Variants in AFAP1 observed in about 807,000 individuals in gnomAD.
AFAP1 encodes actin filament associated protein 1, also known as actin filament-associated protein 1.
Under a neutral mutation model 93.9 loss-of-function variants are expected in AFAP1, and 75 were observed. The ratio of observed to expected loss-of-function variants is 0.80; its 90% CI spans 0.66 to 0.97. The LOEUF is 0.97. Ranked by LOEUF, AFAP1 falls within the 50% of genes least tolerant of loss-of-function variation. The pLI is 0.00. For synonymous variants in AFAP1, 517 were observed against 430.7 expected (o/e 1.20, Z -2.48); for missense variants, 1,201 against 1,050.8 (o/e 1.14, Z -1.98).
At chr4:7,899,924 G>A (rs1354491048) in intron 1 of AFAP1, among the ~76,000 whole-genome samples, 1 of 148,708 alleles carries the variant, frequency 6.7e-6, no homozygotes, top group East Asian at 2.0e-4. Context: ...TGAATGAGAA[G>A]TGTATCAGTG....
At chr4:7,853,596 A>G (rs999811544) in intron 4 of AFAP1, among the ~76,000 whole-genome samples, 6 of 152,172 alleles carry the variant, frequency 3.9e-5, no homozygotes, top group Non-Finnish European at 7.3e-5. Context: ...CCAGGGAAGA[A>G]GTTCTCACAA....
chr4:7,857,498 A>T (rs564049543), intron 3 of AFAP1, among the ~76,000 whole-genome samples: 1 of 152,206 alleles, frequency 6.6e-6, no homozygotes, highest in South Asian at 2.1e-4. Context: ...TTGCACTCCT[A>T]TCAGAAGGCT....
At chr4:7,921,181 C>CTTTTTTTTTTTTT in intron 1 of AFAP1, among the ~76,000 whole-genome samples, 1 of 95,110 alleles carries the variant, frequency 1.1e-5, no homozygotes, top group Non-Finnish European at 1.9e-5. Flanking sequence ...GAGAGCAAAA[C>CTTTTTTTTTTTTT]TTTTTTTTTT....
intron 1 of AFAP1, among the ~76,000 whole-genome samples, chr4:7,925,516 C>T (rs1720677251): frequency 6.6e-6 from 1 of 151,932 alleles, no homozygotes; most frequent in Admixed American, 6.6e-5. Context: ...AGTTCAAGAC[C>T]AGCCTGACCA....
intron 1 of AFAP1, among the ~76,000 whole-genome samples, chr4:7,898,492 C>T (rs1718915589): frequency 6.6e-6 from 1 of 151,806 alleles, no homozygotes; most frequent in Admixed American, 6.6e-5. Flanking sequence ...CACTCTCAAA[C>T]ATTTCAGGAA....
At chr4:7,811,520 C>G (rs993579431) in intron 8 of AFAP1, among the ~76,000 whole-genome samples, 1 of 152,114 alleles carries the variant, frequency 6.6e-6, no homozygotes, top group East Asian at 1.9e-4. Context: ...TGCCTCCACC[C>G]TGGTGCCCCC....
At chr4:7,792,205 C>A (rs77275472) in intron 11 of AFAP1, among the ~76,000 whole-genome samples, 1,540 of 152,278 alleles carry the variant, frequency 0.01, 33 homozygotes, top group African/African-American at 0.032. Context: ...GGTCTCTTAC[C>A]GCCAACTGCC....
intron 17 of AFAP1, among the ~76,000 whole-genome samples, chr4:7,764,215 A>G (rs1714224185): frequency 6.6e-6 from 1 of 152,252 alleles, no homozygotes; most frequent in South Asian, 2.1e-4. Flanking sequence ...TAACGATTTC[A>G]CTTATGTGAG....
At chr4:7,764,662 G>A (rs1310973069) in intron 17 of AFAP1, among the ~76,000 whole-genome samples, 1 of 152,260 alleles carries the variant, frequency 6.6e-6, no homozygotes, top group African/African-American at 2.4e-5. Context: ...GGCCCTGAGT[G>A]CTGGCTGCAG....
At chr4:7,885,036 G>T (rs965666228) in intron 1 of AFAP1, among the ~76,000 whole-genome samples, 1 of 152,188 alleles carries the variant, frequency 6.6e-6, no homozygotes, top group South Asian at 2.1e-4. Context: ...GGACGCTGGA[G>T]AACTGTTTCA....
intron 7 of AFAP1, among the ~76,000 whole-genome samples, chr4:7,818,504 G>A (rs1720685168): frequency 6.6e-6 from 1 of 152,142 alleles, no homozygotes. Context: ...GGAAGCCAGG[G>A]GTCTCCAAGG....
chr4:7,925,148 G>C (rs540151918), intron 1 of AFAP1, among the ~76,000 whole-genome samples: 1 of 151,414 alleles, frequency 6.6e-6, no homozygotes, highest in South Asian at 2.1e-4. Flanking sequence ...TCATAGGGTC[G>C]GCCTTCCTTT....
chr4:7,823,521 C>T (rs969079300), intron 6 of AFAP1, among the ~76,000 whole-genome samples: 1 of 152,178 alleles, frequency 6.6e-6, no homozygotes, highest in Non-Finnish European at 1.5e-5. Context: ...CTAACACACA[C>T]ACCCTGGCTA....
intron 1 of AFAP1, among the ~76,000 whole-genome samples, chr4:7,895,852 G>GTTTTTT (rs35666187): frequency 4.5e-5 from 5 of 110,612 alleles, no homozygotes; most frequent in Admixed American, 1.0e-4. Context: ...TCTTCAGAAA[G>GTTTTTT]TTTTTTTTTT....
intron 1 of AFAP1, among the ~76,000 whole-genome samples, chr4:7,879,179 TCC>T (rs1717696022): frequency 6.6e-6 from 1 of 152,204 alleles, no homozygotes; most frequent in Middle Eastern, 3.4e-3. Context: ...CACTCACCTC[TCC>T]CGTCTGCACA....
At chr4:7,812,531 A>G (rs1720138214) in intron 8 of AFAP1, among the ~76,000 whole-genome samples, 1 of 152,188 alleles carries the variant, frequency 6.6e-6, no homozygotes, top group Non-Finnish European at 1.5e-5. Flanking sequence ...GAACAACTTG[A>G]TGCTATGTAT....
intron 1 of AFAP1, among the ~76,000 whole-genome samples, chr4:7,880,278 C>CCT (rs1553851116): frequency 7.5e-5 from 9 of 120,564 alleles, no homozygotes; most frequent in Non-Finnish European, 1.2e-4. Flanking sequence ...ACCCAAATGC[C>CCT]TTTTTTTTTT....
intron 5 of AFAP1, 138 bp downstream of exon 5, chr4:7,843,001 G>C: frequency 3.2e-6 from 3 of 927,678 alleles, no homozygotes; most frequent in Non-Finnish European, 4.8e-6. Context: ...ATGGTACTGC[G>C]GCTAGCTCAG....
intron 1 of AFAP1, among the ~76,000 whole-genome samples, chr4:7,886,879 T>A (rs1485075245): frequency 6.6e-6 from 1 of 152,206 alleles, no homozygotes; most frequent in East Asian, 1.9e-4. Flanking sequence ...CCCTTCCATT[T>A]ACAGAAGGTC....
Sources: allele counts gnomAD v4.1 joint callset (sites outside exome capture counted in the v4.1 genomes callset), GRCh38; gene constraint gnomAD v4.1.1; transcripts MANE v1.5; gene names NCBI Gene and HGNC (gene_info 2026-07-23, HGNC 2026-07-21).